The following PACS1 variants were observed in gnomAD, a reference collection of about 807,000 sequenced individuals.
PACS1 encodes the protein phosphofurin acidic cluster sorting protein 1, also known as PACS-1.
Under a neutral mutation model 115.0 loss-of-function variants are expected in PACS1, and 24 were observed. The ratio of observed to expected loss-of-function variants is 0.21; its 90% CI spans 0.15 to 0.29. PACS1 has a LOEUF of 0.29. Among genes scored for constraint, PACS1 ranks in the 10% least tolerant of loss-of-function variants. PACS1 has a pLI of 1.00. For missense variants in PACS1, 838 were observed against 1,251.2 expected (o/e 0.67, Z 4.98); for synonymous variants, 453 against 504.5 (o/e 0.90, Z 1.37).
In PACS1 at chr11:66,235,458, C is replaced by A; in HGVS notation, c.2207+55C>A. On this transcript the variant is annotated intron_variant, in intron 18 of 23. Coordinates refer to ENST00000320580, the MANE Select transcript of PACS1 (RefSeq NM_018026.4). The surrounding 1 kb of genome is among the most constrained non-coding windows in gnomAD (Gnocchi z 5.6). ...AATAGGTTGGGTGGGTTAGAGGAAT[C>A]TTGAGTCTTCCTTGCTTTCTCACAT... 8.2e-7 allele frequency: 1 copy of A among 1,218,312 alleles called. No individual in the cohort carries two copies. The highest frequency in any genetic ancestry group is 1.2e-6 in the Non-Finnish European group (1 of 824,708). 75.5% of individuals were successfully genotyped at this position (1,218,312 alleles called of 1,614,324 possible).
At chr11:66,220,031 C>T (rs745347943) in intron 8 of PACS1, among the ~76,000 whole-genome samples, 5 of 152,082 alleles carry the variant, frequency 3.3e-5, no homozygotes, top group Admixed American at 1.3e-4. Flanking sequence ...AGCACAGCTA[C>T]GCCCGACCCT....
chr11:66,086,169 G>T (rs1211539316), intron 1 of PACS1, among the ~76,000 whole-genome samples: 2 of 134,020 alleles, frequency 1.5e-5, no homozygotes, highest in Admixed American at 1.8e-4. Flanking sequence ...ACGGAGTCTC[G>T]CTCTGTCGCC....
chr11:66,239,007 TG>T, intron 20 of PACS1, 134 bp from the exon 21 acceptor site: 4 of 1,419,218 alleles, frequency 2.8e-6, no homozygotes, highest in Non-Finnish European at 3.9e-6. Flanking sequence ...CGGTGGTGGC[TG>T]GGGGAGGTGG....
At position 66,170,337 on chromosome 11, in the gene PACS1, C is replaced by T. The variant is rs1207870973; in HGVS notation, c.357-23149C>T. On this transcript the variant is annotated intron_variant, in intron 1 of 23. Coordinates refer to ENST00000320580, the MANE Select transcript of PACS1 (RefSeq NM_018026.4). Reference sequence around the variant, plus strand: ...TGGCTGCTTAATTCATTAATTTCAGCATTTCTTCTTTTCTCATATAACTAC... The same window carrying T: ...TGGCTGCTTAATTCATTAATTTCAGTATTTCTTCTTTTCTCATATAACTAC... Among the ~76,000 whole-genome samples the T allele has an allele frequency of 1.3e-5, 2 of 150,350 alleles. 1 individual carries two copies. The highest frequency in any genetic ancestry group is 5.0e-5 in the African/African-American group (2 of 39,812).
In PACS1 at chr11:66,230,842, A is replaced by G; in HGVS notation, c.1528A>G (p.Ser510Gly). 3 of 1,614,202 alleles carry G rather than the reference A, an allele frequency of 1.9e-6. No homozygotes were observed. Among genetic ancestry groups the G allele is most frequent in the Non-Finnish European group, 2.5e-6 (3 of 1,180,022 alleles). Residue 510 changes from serine to glycine, a missense_variant, in exon 13 of 24, where the codon AGC becomes GGC. Transcript: ENST00000320580. ...EGVHTPRQKR[S>G]TPLKERQLSK... is the part of the protein sequence containing the mutation. ...GGTGCACACACCCCGGCAGAAGAGG[A>G]GCACGCCCCTGAAGGAGCGGCAGCT...
chr11:66,210,991 A>G, intron 3 of PACS1, 143 bp from the exon 4 acceptor site: 6 of 939,066 alleles, frequency 6.4e-6, no homozygotes, highest in Non-Finnish European at 9.8e-6. Context: ...ACCAGCAGCA[A>G]CTTCATGGCT....
intron 11 of PACS1, among the ~76,000 whole-genome samples, chr11:66,228,513 C>G (rs150166021): frequency 1.5e-3 from 227 of 152,314 alleles, no homozygotes; most frequent in African/African-American, 5.2e-3. Context: ...CCACTGTAGT[C>G]CGTACTGCAC....
chr11:66,165,193 T>G (rs764381711), intron 1 of PACS1, among the ~76,000 whole-genome samples: 2 of 152,242 alleles, frequency 1.3e-5, no homozygotes, highest in Non-Finnish European at 2.9e-5. Context: ...TTTTCTGTTC[T>G]CAGCTTATTC....
intron 1 of PACS1, among the ~76,000 whole-genome samples, chr11:66,154,802 C>T (rs1231052470): frequency 6.6e-6 from 1 of 152,102 alleles, no homozygotes; most frequent in Non-Finnish European, 1.5e-5. Context: ...AAAATTTCTG[C>T]GTATTTTTGT....
chr11:66,148,893 T>G (rs1859179213), intron 1 of PACS1, among the ~76,000 whole-genome samples: 1 of 152,126 alleles, frequency 6.6e-6, no homozygotes, highest in African/African-American at 2.4e-5. Context: ...ACCACTGCAC[T>G]TCAGCCCAGG....
Position 66,112,476 on chromosome 11 carries a change from ACATGC to A in PACS1, c.356+41636_356+41640del, listed in dbSNP as rs534274042. On this transcript the variant is annotated intron_variant, in intron 1 of 23. Coordinates refer to ENST00000320580, the MANE Select transcript of PACS1 (RefSeq NM_018026.4). ...GCCTTCCCTCGCTGCGCAGTTAGTC[ACATGC>A]CTCTCGTTGCTTTCTTAATATTTTA... is the stretch of plus-strand genomic sequence containing the variant. 9.2e-5 allele frequency among the ~76,000 whole-genome samples: 14 copies of A among 152,324 alleles called. No individual in the cohort carries two copies. In the South Asian group the frequency reaches 2.9e-3, roughly 32 times the overall value.
At chr11:66,216,996 G>A (rs533543318) in intron 7 of PACS1, 22 of 537,462 alleles carry the variant, frequency 4.1e-5, no homozygotes, top group East Asian at 1.3e-4. Context: ...TCAGGTTATC[G>A]TCAGATAGAA....
At chr11:66,187,058 A>G (rs954086094) in intron 1 of PACS1, among the ~76,000 whole-genome samples, 1 of 152,188 alleles carries the variant, frequency 6.6e-6, no homozygotes, top group Non-Finnish European at 1.5e-5. Flanking sequence ...ATGTTGACAC[A>G]TGTATCATAG....
Position 66,220,615 on chromosome 11 carries a change from T to G in PACS1, c.1039-16T>G. 1.9e-6 allele frequency: 3 copies of G among 1,613,924 alleles called. No individual in the cohort carries two copies. The highest frequency in any genetic ancestry group is 1.7e-6 in the Non-Finnish European group (2 of 1,179,894). On this transcript the variant is annotated splice_polypyrimidine_tract_variant and intron_variant, in intron 8 of 23. Coordinates refer to ENST00000320580, the MANE Select transcript of PACS1 (RefSeq NM_018026.4). ...TAGGGATGACCCTAAATTCAGAGAC[T>G]CCTTTTTCCCTGCAGGTGGGCTTTG... is the stretch of plus-strand genomic sequence containing the variant.
rs1267639515 is a variant in PACS1 at position 66,070,409 on chromosome 11, C to T, written c.-78C>T. On this transcript the variant is annotated 5_prime_UTR_variant, in exon 1 of 24. Coordinates refer to ENST00000320580, the MANE Select transcript of PACS1 (RefSeq NM_018026.4). This position sits in a 1 kb window ranked among gnomAD's most constrained non-coding sequence, Gnocchi z 5.9. ...CGGGCTGAGGAGGCTGCCGCGCCCC[C>T]GCCGCCGCCGCCGCGGGGGAAGCCT... is the stretch of plus-strand genomic sequence containing the variant. The T allele has an allele frequency of 1.3e-6, 1 of 786,610 alleles. No homozygotes were observed. Among genetic ancestry groups the T allele is most frequent in the Non-Finnish European group, 1.7e-6 (1 of 601,678 alleles). 48.7% of individuals were successfully genotyped at this position (786,610 alleles called of 1,614,324 possible).
Position 66,236,079 on chromosome 11 carries a change from C to A in PACS1, c.2250+139C>A. ...GATTTTGCCTCCAGGGACTACCTGG[C>A]AGTGTCTGGAGACGTGTTTGGTTGT... On this transcript the variant is annotated intron_variant, in intron 19 of 23. Coordinates refer to ENST00000320580, the MANE Select transcript of PACS1 (RefSeq NM_018026.4). The surrounding 1 kb of genome is among the most constrained non-coding windows in gnomAD (Gnocchi z 4.2). 8 of 812,988 alleles carry A rather than the reference C, an allele frequency of 9.8e-6. No individual in the cohort carries two copies. The highest frequency in any genetic ancestry group is 1.5e-5 in the Non-Finnish European group (7 of 460,992). 50.4% of individuals were successfully genotyped at this position (812,988 alleles called of 1,614,324 possible).
chr11:66,243,077 A>G lies in PACS1; in HGVS notation c.2776+46A>G, dbSNP rs759092518. On this transcript the variant is annotated intron_variant, in intron 23 of 23. Transcript: ENST00000320580. ...GGGAGGAGGGCAAGAAAGGGACTGG[A>G]GAGGGAGGCAGGCAATGGCCTTTCC... The G allele has an allele frequency of 8.1e-6, 13 of 1,612,896 alleles. No homozygotes were observed. The African/African-American group carries it at 1.7e-4, about 22-fold the overall frequency.
In PACS1 at chr11:66,131,307, GTTA is replaced by G. The variant is rs1482656222; in HGVS notation, c.356+60469_356+60471del. Among the ~76,000 whole-genome samples, 3 of 152,228 alleles carry G rather than the reference GTTA, an allele frequency of 2.0e-5. No homozygotes were observed. In the East Asian group the frequency reaches 5.8e-4, roughly 29 times the overall value. On this transcript the variant is annotated intron_variant, in intron 1 of 23. Coordinates refer to ENST00000320580, the MANE Select transcript of PACS1 (RefSeq NM_018026.4). Reference sequence around the variant, plus strand: ...TTTGTGAGTTTGGCAGGTTTCACATGTTATTAATATCTTTTTAAACTCACATTT... The same window carrying G: ...TTTGTGAGTTTGGCAGGTTTCACATGTTAATATCTTTTTAAACTCACATTT...
rs1299093280 is a variant in PACS1, at chr11:66,186,277, T to TA, written c.357-7196dup. ...GGTGACAGAGCAAGACCCTGTCTCT[T>TA]AAAAAAAAAAAAAGCCACATCTTGC... On this transcript the variant is annotated intron_variant, in intron 1 of 23. Coordinates refer to ENST00000320580, the MANE Select transcript of PACS1 (RefSeq NM_018026.4). Among the ~76,000 whole-genome samples, 276 of 139,570 alleles carry TA rather than the reference T, an allele frequency of 2.0e-3. 1 individual carries two copies. Among genetic ancestry groups the TA allele is most frequent in the South Asian group, 5.1e-3 (22 of 4,298 alleles). The allele number at this position is 139,570 out of a possible 152,430, so 91.6% of individuals were successfully genotyped here.
Sources: gnomAD v4.1 joint callset for allele counts (sites outside exome capture counted in the v4.1 genomes callset) on GRCh38, gnomAD v4.1.1 for gene constraint, Gnocchi (gnomAD v3.1) non-coding constraint, MANE v1.5 for transcripts, NCBI Gene and HGNC (gene_info 2026-07-23, HGNC 2026-07-21) for gene names.